The following AGBL1 variants were observed in gnomAD, a reference collection of about 807,000 sequenced individuals.
The protein encoded by AGBL1 is AGBL carboxypeptidase 1, also known as cytosolic carboxypeptidase 4.
AGBL1 carries 130 observed loss-of-function variants against 118.9 expected under a neutral mutation model. The observed-to-expected ratio is 1.09, with a 90% CI of 0.95 to 1.26. AGBL1 has a LOEUF of 1.26. AGBL1 is among the 50% of genes most tolerant of loss of function. AGBL1 has a pLI of 0.00. For missense variants in AGBL1, 1,584 were observed against 1,298.1 expected (o/e 1.22, Z -3.38); for synonymous variants, 555 against 478.9 (o/e 1.16, Z -2.08).
At chr15:86,205,601 T>C (rs1306116913) in intron 5 of AGBL1, among the ~76,000 whole-genome samples, 1 of 152,242 alleles carries the variant, frequency 6.6e-6, no homozygotes, top group African/African-American at 2.4e-5. Flanking sequence ...TGTTGCTCCA[T>C]CCTCACCATT....
chr15:86,988,028 C>T, exon 24 of AGBL1: 1 of 1,613,634 alleles, frequency 6.2e-7, no homozygotes, highest in East Asian at 2.2e-5. Context: ...ATTTGGTTTG[C>T]TTACCACTTT....
chr15:86,849,101 C>T (rs1596548236), intron 22 of AGBL1, among the ~76,000 whole-genome samples: 1 of 152,284 alleles, frequency 6.6e-6, no homozygotes, highest in East Asian at 1.9e-4. Context: ...GTGAGGAGAG[C>T]TTTCTCATTG....
At position 86,357,093 on chromosome 15, in the gene AGBL1, G is replaced by T. The variant is rs190079003; in HGVS notation, c.2375-40273G>T. Among the ~76,000 whole-genome samples, 65 of 152,188 alleles carry T rather than the reference G, an allele frequency of 4.3e-4. 1 individual carries two copies. Among genetic ancestry groups the T allele is most frequent in the African/African-American group, 1.5e-3 (62 of 41,522 alleles). ...TTGAGGACTCAGAATATTTTAACGTGGACTAAGTAACTCAGTTGGAACATG... is the reference window on the plus strand; with the variant it reads ...TTGAGGACTCAGAATATTTTAACGTTGACTAAGTAACTCAGTTGGAACATG... On this transcript the variant is annotated intron_variant, in intron 17 of 22. Transcript: ENST00000614907.
At chr15:86,651,714 T>C (rs1284403475) in intron 21 of AGBL1, among the ~76,000 whole-genome samples, 2 of 152,204 alleles carry the variant, frequency 1.3e-5, no homozygotes, top group African/African-American at 4.8e-5. Flanking sequence ...AGATTGCTAA[T>C]AAGTTCCAAC....
chr15:86,265,415 G>A (rs1206119483), intron 11 of AGBL1, among the ~76,000 whole-genome samples: 3 of 152,124 alleles, frequency 2.0e-5, no homozygotes, highest in Non-Finnish European at 4.4e-5. Flanking sequence ...CAGAAGGCAG[G>A]AAAGGGAGCT....
At chr15:86,580,552 C>G (rs570834288) in intron 21 of AGBL1, among the ~76,000 whole-genome samples, 47 of 151,964 alleles carry the variant, frequency 3.1e-4, no homozygotes, top group African/African-American at 1.1e-3. Flanking sequence ...ATTTATGGAT[C>G]ATTAATTTTT....
chr15:86,634,014 T>TA (rs2085034414), intron 21 of AGBL1, among the ~76,000 whole-genome samples: 1 of 151,838 alleles, frequency 6.6e-6, no homozygotes, highest in Admixed American at 6.6e-5. Context: ...CAGTAGGAGA[T>TA]ACCACTTCAC....
In AGBL1 at chr15:86,143,789, C is replaced by G. The variant is rs778017833; in HGVS notation, c.206C>G (p.Pro69Arg). The G allele has an allele frequency of 6.2e-7, 1 of 1,613,922 alleles. No homozygotes were observed. The highest frequency in any genetic ancestry group is 1.7e-5 in the Admixed American group (1 of 60,022). ...GTAGACACAGCGAGGACAGCTCCTC[C>G]AGACTATGACATCCTCCTGCCTCTC... ...TLVDTARTAPPDYDILLPLFR... is the reference protein window; with the variant it reads ...TLVDTARTAPRDYDILLPLFR... The change falls in exon 3 of 23, where the codon CCA becomes CGA. Residue 69 changes from proline to arginine, a missense_variant. Coordinates refer to ENST00000614907, the MANE Select transcript of AGBL1 (RefSeq NM_001386094.1).
chr15:86,089,085 A>T (rs576619739), intron 1 of AGBL1, among the ~76,000 whole-genome samples: 25 of 152,356 alleles, frequency 1.6e-4, no homozygotes, highest in African/African-American at 6.0e-4. Context: ...CATCTTGGAA[A>T]TAAAAATTTT....
At chr15:86,683,563 T>C (rs2086000412) in intron 22 of AGBL1, among the ~76,000 whole-genome samples, 1 of 152,218 alleles carries the variant, frequency 6.6e-6, no homozygotes, top group Non-Finnish European at 1.5e-5. Context: ...TTAAGTGATT[T>C]ACACATTGCC....
chr15:86,749,490 A>C (rs1296313693), intron 22 of AGBL1, among the ~76,000 whole-genome samples: 1 of 151,960 alleles, frequency 6.6e-6, no homozygotes, highest in Non-Finnish European at 1.5e-5. Flanking sequence ...TTCCTAATTG[A>C]ATACCCTTTA....
At chr15:87,008,306 C>T (rs2081524676) in intron 24 of AGBL1, among the ~76,000 whole-genome samples, 3 of 152,132 alleles carry the variant, frequency 2.0e-5, no homozygotes, top group Admixed American at 2.0e-4. Context: ...GTTCTCATGA[C>T]AGTTAATATG....
At chr15:86,344,037 C>A (rs1383651497) in intron 17 of AGBL1, among the ~76,000 whole-genome samples, 1 of 152,248 alleles carries the variant, frequency 6.6e-6, no homozygotes, top group Non-Finnish European at 1.5e-5. Context: ...ATTTCCCTCA[C>A]TCTCCCTGTG....
At chr15:86,882,664 G>A (rs1001382282) in intron 22 of AGBL1, among the ~76,000 whole-genome samples, 1 of 152,160 alleles carries the variant, frequency 6.6e-6, no homozygotes, top group Admixed American at 6.5e-5. Context: ...CCATGGAGTT[G>A]AGTTGGCATT....
intron 18 of AGBL1, among the ~76,000 whole-genome samples, chr15:86,455,177 AC>A (rs1196641954): frequency 6.6e-6 from 1 of 152,208 alleles, no homozygotes; most frequent in African/African-American, 2.4e-5. Flanking sequence ...TTGTTGAAAT[AC>A]CAGGCATTTG....
intron 22 of AGBL1, among the ~76,000 whole-genome samples, chr15:86,819,742 T>C (rs756055221): frequency 1.8e-4 from 27 of 152,130 alleles, no homozygotes; most frequent in Admixed American, 6.6e-5. Flanking sequence ...GATTCAATGC[T>C]ATCCCCATCA....
chr15:86,366,929 G>A (rs1360905147), intron 17 of AGBL1, among the ~76,000 whole-genome samples: 3 of 152,138 alleles, frequency 2.0e-5, no homozygotes, highest in South Asian at 2.1e-4. Flanking sequence ...TGCGACACCC[G>A]GGCTTGTGGA....
At chr15:86,918,387 G>A (rs1035072031), downstream of AGBL1, among the ~76,000 whole-genome samples, 1 of 152,074 alleles carries the variant, frequency 6.6e-6, no homozygotes, top group Non-Finnish European at 1.5e-5. Flanking sequence ...CTCGGAAAAG[G>A]AAATGTTCCT....
chr15:86,727,035 C>G (rs1328626161), intron 22 of AGBL1, among the ~76,000 whole-genome samples: 1 of 152,100 alleles, frequency 6.6e-6, no homozygotes, highest in Non-Finnish European at 1.5e-5. Flanking sequence ...AAATGCAGAA[C>G]ACGTTTAAAC....
Sources: gnomAD v4.1 joint callset for allele counts (sites outside exome capture counted in the v4.1 genomes callset) on GRCh38, gnomAD v4.1.1 for gene constraint, MANE v1.5 for transcripts, NCBI Gene and HGNC (gene_info 2026-07-23, HGNC 2026-07-21) for gene names.